Variants in CCDC146 observed in about 807,000 individuals in gnomAD.
The protein encoded by CCDC146 is coiled-coil domain containing 146.
A neutral mutation model predicts 119.3 loss-of-function variants in CCDC146; 92 were observed. The ratio of observed to expected loss-of-function variants is 0.77; its 90% CI spans 0.65 to 0.92. The LOEUF (loss-of-function observed/expected upper bound fraction) is 0.92, where lower values mean the gene tolerates loss of function less well. CCDC146 is among the 40% of genes least tolerant of loss of function. The pLI is 0.00. For synonymous variants in CCDC146, 372 were observed against 371.8 expected (o/e 1.00, Z -0.01); for missense variants, 1,000 against 1,103.0 (o/e 0.91, Z 1.32).
intron 1 of CCDC146, among the ~76,000 whole-genome samples, chr7:77,141,417 C>T (rs928850176): frequency 2.0e-5 from 3 of 152,124 alleles, no homozygotes; most frequent in Non-Finnish European, 4.4e-5. Flanking sequence ...GACTTATAAT[C>T]CTTTGGGTAT....
intron 11 of CCDC146, among the ~76,000 whole-genome samples, chr7:77,275,634 A>T (rs573705829): frequency 2.0e-5 from 3 of 152,260 alleles, no homozygotes; most frequent in African/African-American, 7.2e-5. Context: ...AGCATTAGGT[A>T]ACTGTCCCTC....
In CCDC146 at chr7:77,294,544, G is replaced by A. The variant is rs926278114; in HGVS notation, c.2665-119G>A. The A allele has an allele frequency of 6.4e-6, 5 of 786,264 alleles. No homozygotes were observed. The South Asian group carries it at 6.7e-5, about 11-fold the overall frequency. 48.7% of individuals were successfully genotyped at this position (786,264 alleles called of 1,614,324 possible). ...CCTCCTACCCCTCCCATCCCTTTGG[G>A]GAGTATCAGCTAGCACGGTCAAAGA... is the stretch of plus-strand genomic sequence containing the variant. On this transcript the variant is annotated intron_variant, in intron 18 of 18. Coordinates refer to ENST00000285871, the MANE Select transcript of CCDC146 (RefSeq NM_020879.3).
chr7:77,230,789 G>A (rs1792612583), intron 2 of CCDC146, among the ~76,000 whole-genome samples: 1 of 152,006 alleles, frequency 6.6e-6, no homozygotes, highest in Admixed American at 6.6e-5. Context: ...ATTTCTTTAA[G>A]TTTGTTTTCT....
chr7:77,251,717 G>C (rs1382087295), intron 4 of CCDC146, among the ~76,000 whole-genome samples: 1 of 152,176 alleles, frequency 6.6e-6, no homozygotes, highest in African/African-American at 2.4e-5. Flanking sequence ...GGAACCTTTG[G>C]AGCTGTGATT....
chr7:77,188,555 A>G (rs1232798757), intron 2 of CCDC146, among the ~76,000 whole-genome samples: 2 of 152,144 alleles, frequency 1.3e-5, no homozygotes, highest in African/African-American at 4.8e-5. Flanking sequence ...CTACTTATGC[A>G]CAGGTACACA....
chr7:77,194,359 AAAC>A (rs1374229446), intron 2 of CCDC146: 3 of 152,112 alleles, frequency 2.0e-5, no homozygotes, highest in Non-Finnish European at 4.4e-5. Context: ...AAAAAGTAAA[AAAC>A]AACGTCAGTT....
chr7:77,142,305 CATTTATTTATTT>C (rs34373715), intron 1 of CCDC146, among the ~76,000 whole-genome samples: 2,732 of 142,852 alleles, frequency 0.019, 26 homozygotes, highest in African/African-American at 0.025. Flanking sequence ...CATGATTGTA[CATTTATTTATTT>C]ATTTATTTAT....
At chr7:77,134,237 G>A (rs1390524281) in intron 1 of CCDC146, among the ~76,000 whole-genome samples, 2 of 151,956 alleles carry the variant, frequency 1.3e-5, no homozygotes, top group Admixed American at 1.3e-4. Context: ...AGTGTCATTT[G>A]AAAGTGGACT....
chr7:77,137,643 C>A (rs2117409030), intron 1 of CCDC146, among the ~76,000 whole-genome samples: 1 of 149,994 alleles, frequency 6.7e-6, no homozygotes, highest in African/African-American at 2.5e-5. Flanking sequence ...GAGAGAAAGA[C>A]AATATTTTCA....
chr7:77,142,570 C>T (rs561590169), intron 1 of CCDC146, among the ~76,000 whole-genome samples: 170 of 151,942 alleles, frequency 1.1e-3, no homozygotes, highest in Non-Finnish European at 2.1e-3. Flanking sequence ...CCCCCTTCCC[C>T]CACCTTACAA....
intron 17 of CCDC146, among the ~76,000 whole-genome samples, chr7:77,288,351 G>T (rs112756276): frequency 7.9e-4 from 121 of 152,352 alleles, no homozygotes; most frequent in African/African-American, 2.8e-3. Flanking sequence ...TTGGCTCATG[G>T]TTCTGCAGGC....
chr7:77,207,668 T>C (rs1179251126), intron 2 of CCDC146, among the ~76,000 whole-genome samples: 5 of 152,136 alleles, frequency 3.3e-5, no homozygotes, highest in African/African-American at 1.2e-4. Flanking sequence ...ATATATGTTC[T>C]TAGTGAAGAG....
At chr7:77,245,279 T>C (rs1168647726) in intron 4 of CCDC146, among the ~76,000 whole-genome samples, 1 of 152,230 alleles carries the variant, frequency 6.6e-6, no homozygotes. Context: ...AATAAAGTAA[T>C]TAAATACAGT....
chr7:77,208,680 C>G (rs1792123513), intron 2 of CCDC146, among the ~76,000 whole-genome samples: 1 of 152,172 alleles, frequency 6.6e-6, no homozygotes, highest in South Asian at 2.1e-4. Context: ...ACCTACTTCC[C>G]TAACTACTGC....
chr7:77,263,750 C>T (rs1304661351), intron 9 of CCDC146, among the ~76,000 whole-genome samples: 1 of 152,126 alleles, frequency 6.6e-6, no homozygotes. Context: ...ATGGTGAAAC[C>T]CTGTCTCTAC....
At chr7:77,261,319 G>A (rs993346897) in intron 8 of CCDC146, among the ~76,000 whole-genome samples, 1 of 151,970 alleles carries the variant, frequency 6.6e-6, no homozygotes, top group Non-Finnish European at 1.5e-5. Flanking sequence ...TCTTCTCTAT[G>A]TGTCCATGTA....
At chr7:77,265,338 G>A (rs1029680681) in intron 9 of CCDC146, among the ~76,000 whole-genome samples, 1 of 152,158 alleles carries the variant, frequency 6.6e-6, no homozygotes, top group African/African-American at 2.4e-5. Flanking sequence ...TAAACAATGG[G>A]ATAAAATGTA....
chr7:77,263,726 C>G (rs1428543319), intron 9 of CCDC146, among the ~76,000 whole-genome samples: 2 of 152,210 alleles, frequency 1.3e-5, no homozygotes, highest in African/African-American at 4.8e-5. Context: ...AAGTTCAAGA[C>G]CAGCCTGGCC....
intron 9 of CCDC146, among the ~76,000 whole-genome samples, chr7:77,263,101 A>G (rs1793333224): frequency 6.6e-6 from 1 of 152,194 alleles, no homozygotes; most frequent in African/African-American, 2.4e-5. Context: ...AAGAAATTTG[A>G]ACAGGAGTTT....
Sources: gnomAD v4.1 joint callset for allele counts (sites outside exome capture counted in the v4.1 genomes callset) on GRCh38, gnomAD v4.1.1 for gene constraint, MANE v1.5 for transcripts, NCBI Gene and HGNC (gene_info 2026-07-23, HGNC 2026-07-21) for gene names.